FGGY: variants seen among roughly 807,000 people sequenced by gnomAD.
FGGY encodes the protein FGGY carbohydrate kinase domain containing.
A neutral mutation model predicts 71.3 loss-of-function variants in FGGY; 72 were observed. That is an observed-to-expected ratio of 1.01 (90% CI 0.84 to 1.23). FGGY has a LOEUF of 1.23. FGGY is among the 50% of genes most tolerant of loss of function. FGGY has a pLI of 0.00. For missense variants in FGGY, 668 were observed against 682.3 expected, an observed-to-expected ratio of 0.98 and a Z score of 0.23; for synonymous variants, 251 against 250.3, an observed-to-expected ratio of 1.00 and a Z score of -0.02.
At chr1:59,627,324 A>G (rs1049470552) in intron 10 of FGGY, among the ~76,000 whole-genome samples, 1 of 151,258 alleles carries the variant, frequency 6.6e-6, no homozygotes, top group Non-Finnish European at 1.5e-5. Context: ...TATAGTGACA[A>G]CTCTTTATGT....
intron 14 of FGGY, among the ~76,000 whole-genome samples, chr1:59,683,853 A>G (rs573268863): frequency 9.2e-5 from 14 of 152,234 alleles, no homozygotes; most frequent in Non-Finnish European, 1.8e-4. Context: ...AGAATATTGA[A>G]GGGGAAGCCA....
chr1:59,340,248 G>A (rs1228229256), intron 3 of FGGY, among the ~76,000 whole-genome samples, 179 bp downstream of exon 3: 3 of 152,184 alleles, frequency 2.0e-5, no homozygotes, highest in Admixed American at 2.0e-4. Flanking sequence ...TGGTATGAGT[G>A]GGGTGGTGTT....
chr1:59,686,157 G>T (rs1303853029), intron 14 of FGGY, among the ~76,000 whole-genome samples: 1 of 152,144 alleles, frequency 6.6e-6, no homozygotes, highest in Non-Finnish European at 1.5e-5. Context: ...GATGTCACTT[G>T]ACTCAGTGAT....
Position 59,560,117 on chromosome 1 carries a change from G to A in FGGY, c.903+5890G>A, listed in dbSNP as rs72917750. 7.0e-3 allele frequency among the ~76,000 whole-genome samples: 1,064 copies of A among 152,296 alleles called. 11 individuals carry two copies. Among genetic ancestry groups the A allele is most frequent in the African/African-American group, 0.024 (996 of 41,540 alleles). ...GTCAACATCAACAATGATAAGTCATGTTGATAGTACGTACCCTTGATATGA... is the reference window on the plus strand; with the variant it reads ...GTCAACATCAACAATGATAAGTCATATTGATAGTACGTACCCTTGATATGA... On this transcript the variant is annotated intron_variant, in intron 8 of 15. Transcript: ENST00000303721.
intron 14 of FGGY, among the ~76,000 whole-genome samples, chr1:59,706,551 A>C (rs2097758784): frequency 6.6e-6 from 1 of 152,196 alleles, no homozygotes; most frequent in Admixed American, 6.5e-5. Flanking sequence ...TCAGCTCTCT[A>C]ATTTGTAAAA....
intron 5 of FGGY, among the ~76,000 whole-genome samples, chr1:59,441,571 T>C (rs1225074221): frequency 2.0e-5 from 3 of 152,224 alleles, no homozygotes; most frequent in Non-Finnish European, 4.4e-5. Context: ...GAGATGATGA[T>C]GATGTTGATG....
chr1:59,674,170 CCT>C (rs1279054297), intron 14 of FGGY, 37 bp downstream of exon 14: 9 of 1,527,088 alleles, frequency 5.9e-6, no homozygotes, highest in Non-Finnish European at 8.1e-6. Flanking sequence ...TGGCTCCTCC[CCT>C]GTCTGAGGCC....
rs977104650 is a variant in FGGY at position 59,353,825 on chromosome 1, C to T, written c.465+7427C>T. On this transcript the variant is annotated intron_variant, in intron 4 of 15. Transcript: ENST00000303721. ...AGCCACACCATTAGCTCTGTTCCCT[C>T]ATCTGCTACCTTATGGGAACCTGTG... Among the ~76,000 whole-genome samples the T allele has an allele frequency of 3.3e-5, 5 of 152,270 alleles. No individual in the cohort carries two copies. In the South Asian group the frequency reaches 8.3e-4, roughly 25 times the overall value.
chr1:59,660,098 G>T, intron 11 of FGGY, 121 bp from the exon 12 acceptor site: 1 of 809,056 alleles, frequency 1.2e-6, no homozygotes, highest in Non-Finnish European at 2.0e-6. Context: ...CACAAAAAGG[G>T]GATTTGCATA....
chr1:59,681,527 G>T (rs995132733), intron 14 of FGGY, among the ~76,000 whole-genome samples: 10 of 152,160 alleles, frequency 6.6e-5, no homozygotes, highest in African/African-American at 2.4e-4. Flanking sequence ...AAACAAAAAT[G>T]TGTAAGATTT....
chr1:59,666,592 A>G (rs767252182), intron 12 of FGGY, among the ~76,000 whole-genome samples: 9 of 152,234 alleles, frequency 5.9e-5, no homozygotes, highest in Non-Finnish European at 1.3e-4. Context: ...GATAATGCAT[A>G]TTAGGAAGAT....
intron 5 of FGGY, among the ~76,000 whole-genome samples, chr1:59,383,109 A>G (rs2059672077): frequency 6.6e-6 from 1 of 152,026 alleles, no homozygotes; most frequent in Non-Finnish European, 1.5e-5. Flanking sequence ...AGATTGTTAT[A>G]CCTATTTTGC....
chr1:59,719,447 A>G (rs1248907954), intron 14 of FGGY, among the ~76,000 whole-genome samples: 1 of 152,190 alleles, frequency 6.6e-6, no homozygotes, highest in African/African-American at 2.4e-5. Flanking sequence ...AAAGGCCCAC[A>G]TTACTAGGTA....
intron 6 of FGGY, among the ~76,000 whole-genome samples, chr1:59,485,264 A>G (rs1340016775): frequency 6.6e-6 from 1 of 152,180 alleles, no homozygotes; most frequent in Non-Finnish European, 1.5e-5. Flanking sequence ...AGGGTCTTTC[A>G]TTATAGACTA....
intron 7 of FGGY, among the ~76,000 whole-genome samples, chr1:59,515,360 A>G (rs1434168749): frequency 6.6e-6 from 1 of 151,788 alleles, no homozygotes; most frequent in Non-Finnish European, 1.5e-5. Flanking sequence ...TTTTTATTTT[A>G]CAGGCTCATG....
intron 14 of FGGY, among the ~76,000 whole-genome samples, chr1:59,692,562 A>G (rs2097600253): frequency 6.6e-6 from 1 of 152,012 alleles, no homozygotes; most frequent in African/African-American, 2.4e-5. Flanking sequence ...CAGGAGTCCA[A>G]CAGGGTTCCC....
chr1:59,576,677 G>GACAGACACAC (rs779800900), intron 8 of FGGY, among the ~76,000 whole-genome samples: 1 of 130,056 alleles, frequency 7.7e-6, no homozygotes, highest in Non-Finnish European at 1.6e-5. Flanking sequence ...CAGACAGACA[G>GACAGACACAC]ACACACACAC....
chr1:59,469,603 T>A (rs894127693), intron 6 of FGGY, among the ~76,000 whole-genome samples: 4 of 152,214 alleles, frequency 2.6e-5, no homozygotes, highest in Admixed American at 2.0e-4. Flanking sequence ...TATTTTTTTT[T>A]AACTTTTAAG....
At chr1:59,405,003 A>G (rs1557819211) in intron 5 of FGGY, among the ~76,000 whole-genome samples, 1 of 152,232 alleles carries the variant, frequency 6.6e-6, no homozygotes, top group Admixed American at 6.5e-5. Flanking sequence ...ATGCCTGGTG[A>G]AATCACGAAA....
Sources: allele counts gnomAD v4.1 joint callset (sites outside exome capture counted in the v4.1 genomes callset), GRCh38; gene constraint gnomAD v4.1.1; transcripts MANE v1.5; gene names NCBI Gene and HGNC (gene_info 2026-07-23, HGNC 2026-07-21).